Variants in LIN9 observed in about 807,000 individuals in gnomAD.
LIN9 encodes protein lin-9 homolog.
LIN9 carries 18 observed loss-of-function variants against 78.0 expected under a neutral mutation model. The observed-to-expected ratio is 0.23, with a 90% confidence interval of 0.16 to 0.34. LIN9 has a LOEUF of 0.34. Among genes scored for constraint, LIN9 ranks in the 10% least tolerant of loss-of-function variants. LIN9 has a pLI of 1.00. For synonymous variants in LIN9, 192 were observed against 215.2 expected (o/e 0.89, Z 0.94); for missense variants, 451 against 644.1 (o/e 0.70, Z 3.25).
intron 11 of LIN9, among the ~76,000 whole-genome samples, chr1:226,240,485 C>G (rs1034923555): frequency 6.6e-6 from 1 of 151,506 alleles, no homozygotes; most frequent in Non-Finnish European, 1.5e-5. Flanking sequence ...GCCTCCTAAG[C>G]TCAAGCAATC....
In LIN9 at chr1:226,267,164, G is replaced by C. The variant is rs188006544; in HGVS notation, c.816+793C>G. ...AGCAGTGTACTCTGTTCTACATTTA[G>C]TTCTAATTTTCTTTCTCTCCTATTG... On this transcript the variant is annotated intron_variant, in intron 8 of 14. Coordinates refer to ENST00000681046, the MANE Select transcript of LIN9 (RefSeq NM_001366245.2). Among the ~76,000 whole-genome samples the C allele has an allele frequency of 5.0e-4, 75 of 149,786 alleles. 1 individual carries two copies. The East Asian group carries it at 0.014, about 28-fold the overall frequency.
intron 7 of LIN9, among the ~76,000 whole-genome samples, chr1:226,269,177 CAG>C (rs1248336998): frequency 2.0e-5 from 3 of 152,036 alleles, no homozygotes; most frequent in Non-Finnish European, 4.4e-5. Flanking sequence ...TAATAGAACA[CAG>C]AAATACACAA....
At chr1:226,252,727 C>A (rs1487611680) in intron 10 of LIN9, among the ~76,000 whole-genome samples, 1 of 152,146 alleles carries the variant, frequency 6.6e-6, no homozygotes, top group Non-Finnish European at 1.5e-5. Context: ...AATCCCAGCA[C>A]TTTGGGAGGC....
rs144324813 is a variant in LIN9, at chr1:226,265,592, T to G, written c.979A>C (p.Ile327Leu). 2 of 1,611,716 alleles carry G rather than the reference T, an allele frequency of 1.2e-6. No individual in the cohort carries two copies. The highest frequency in any genetic ancestry group is 1.3e-5 in the African/African-American group (1 of 74,866). ...LLGQSPWRSKISGSDTETLGG... is the reference protein window; with the variant it reads ...LLGQSPWRSKLSGSDTETLGG... ...AATGTTTCAGTGTCAGAGCCAGAAA[T>G]TTTACTTCTCCACGGCGACTGTCCT... The change falls in exon 10 of 15, where the codon ATT (isoleucine) becomes CTT (leucine). Residue 327 changes from isoleucine (I) to leucine (L), a missense_variant. By Grantham distance (5) the Ile-to-Leu change is conservative. Transcript: ENST00000681046. The surrounding 1 kb of genome is among the most constrained non-coding windows in gnomAD (Gnocchi z 4.1).
intron 6 of LIN9, 60 bp from the exon 7 acceptor site, chr1:226,277,992 CTTTTT>C (rs879750346): frequency 7.8e-7 from 1 of 1,282,774 alleles, no homozygotes; most frequent in African/African-American, 1.5e-5. Flanking sequence ...AACTTAAAAT[CTTTTT>C]TTTTTCTTTT....
chr1:226,287,934 G>T, intron 4 of LIN9, 137 bp from the exon 5 acceptor site: 1 of 612,980 alleles, frequency 1.6e-6, no homozygotes, highest in Non-Finnish European at 2.8e-6. Flanking sequence ...TATTCAACAT[G>T]GAATTTTGTT....
chr1:226,294,489 T>C (rs1418269716), intron 4 of LIN9, among the ~76,000 whole-genome samples: 1 of 151,704 alleles, frequency 6.6e-6, no homozygotes, highest in Non-Finnish European at 1.5e-5. Context: ...GGAGAATCAC[T>C]TGAACCAAGG....
chr1:226,302,909 T>G (rs1174158837), intron 1 of LIN9, among the ~76,000 whole-genome samples: 1 of 152,204 alleles, frequency 6.6e-6, no homozygotes, highest in Admixed American at 6.5e-5. Flanking sequence ...GACTTTTTCC[T>G]CCACAGGTCT....
intron 1 of LIN9, among the ~76,000 whole-genome samples, chr1:226,301,638 C>A (rs917891682): frequency 1.3e-5 from 2 of 152,184 alleles, no homozygotes; most frequent in African/African-American, 4.8e-5. Context: ...ACTGTCAGAG[C>A]AAGCAATAAG....
At chr1:226,293,608 C>G (rs1260757691) in intron 4 of LIN9, among the ~76,000 whole-genome samples, 2 of 152,198 alleles carry the variant, frequency 1.3e-5, no homozygotes, top group Non-Finnish European at 1.5e-5. Context: ...GAGACAGACT[C>G]TTGTTCTGTC....
intron 10 of LIN9, among the ~76,000 whole-genome samples, chr1:226,254,865 C>G (rs1445615191): frequency 6.9e-6 from 1 of 144,282 alleles, no homozygotes; most frequent in African/African-American, 2.6e-5. Context: ...GAGCTGAGAT[C>G]GTGCCACTAC....
chr1:226,280,367 A>AT (rs1170741999), intron 6 of LIN9, among the ~76,000 whole-genome samples: 1 of 152,282 alleles, frequency 6.6e-6, no homozygotes, highest in African/African-American at 2.4e-5. Flanking sequence ...GATAATAATG[A>AT]TTTTTTTGTA....
intron 11 of LIN9, among the ~76,000 whole-genome samples, chr1:226,240,604 G>A (rs760548536): frequency 6.6e-6 from 1 of 152,078 alleles, no homozygotes; most frequent in Non-Finnish European, 1.5e-5. Flanking sequence ...GGCCAGGCTG[G>A]TCTCGAACTC....
chr1:226,291,289 C>T (rs920619690), intron 4 of LIN9, among the ~76,000 whole-genome samples: 4 of 152,010 alleles, frequency 2.6e-5, no homozygotes, highest in East Asian at 1.9e-4. Context: ...AAATTGAATA[C>T]TATTCAATAG....
chr1:226,274,957 G>C (rs1660542054), intron 7 of LIN9, among the ~76,000 whole-genome samples: 1 of 152,126 alleles, frequency 6.6e-6, no homozygotes, highest in Non-Finnish European at 1.5e-5. Flanking sequence ...CCCAACATCT[G>C]AGTCATCTCA....
intron 8 of LIN9, among the ~76,000 whole-genome samples, chr1:226,267,255 T>TA (rs1659980309): frequency 7.9e-6 from 1 of 126,604 alleles, no homozygotes; most frequent in African/African-American, 2.8e-5. Flanking sequence ...ATATATATAT[T>TA]TCTTTTAGGA....
At chr1:226,268,820 G>GA (rs1220073522) in intron 7 of LIN9, among the ~76,000 whole-genome samples, 1 of 152,188 alleles carries the variant, frequency 6.6e-6, no homozygotes, top group African/African-American at 2.4e-5. Flanking sequence ...ACTCTATTGG[G>GA]AGAGGACTTT....
intron 10 of LIN9, among the ~76,000 whole-genome samples, chr1:226,261,768 G>C (rs904982682): frequency 1.4e-4 from 21 of 152,152 alleles, no homozygotes; most frequent in African/African-American, 5.1e-4. Flanking sequence ...TTGACAAAAT[G>C]ATTCTAAAGT....
intron 10 of LIN9, among the ~76,000 whole-genome samples, chr1:226,254,650 G>A (rs1418005300): frequency 2.0e-5 from 3 of 151,998 alleles, no homozygotes; most frequent in Admixed American, 6.6e-5. Flanking sequence ...GGTGGCTCAC[G>A]CCTGTAATCC....
Sources: allele counts gnomAD v4.1 joint callset (sites outside exome capture counted in the v4.1 genomes callset), GRCh38; gene constraint gnomAD v4.1.1; non-coding constraint Gnocchi (gnomAD v3.1); transcripts MANE v1.5; gene names NCBI Gene and HGNC (gene_info 2026-07-23, HGNC 2026-07-21).